The following TLN2 variants were observed in gnomAD, a reference collection of about 807,000 sequenced individuals.
TLN2 encodes the protein talin-2.
In TLN2, 118 loss-of-function variants were observed where a neutral mutation model predicts 294.7. The observed-to-expected ratio is 0.40, with a 90% confidence interval of 0.34 to 0.47. The LOEUF (loss-of-function observed/expected upper bound fraction) is 0.47, where lower values mean the gene tolerates loss of function less well. Among genes scored for constraint, TLN2 ranks in the 20% least tolerant of loss-of-function variants. The pLI is 0.84. For synonymous variants in TLN2, 1,431 were observed against 1,304.5 expected (o/e 1.10, Z -2.09); for missense variants, 3,083 against 3,282.2 (o/e 0.94, Z 1.48).
chr15:62,725,429 AC>A (rs972952079), intron 27 of TLN2, among the ~76,000 whole-genome samples: 1 of 152,208 alleles, frequency 6.6e-6, no homozygotes, highest in Non-Finnish European at 1.5e-5. Flanking sequence ...TTTTAAAAAA[AC>A]ATTTACTTAA....
At chr15:62,621,857 G>T (rs1224622946) in intron 3 of TLN2, among the ~76,000 whole-genome samples, 6 of 152,178 alleles carry the variant, frequency 3.9e-5, no homozygotes, top group African/African-American at 4.8e-5. Flanking sequence ...TTTCCTCACA[G>T]AATTGCTAGC....
rs548387195 is a variant in TLN2 at position 62,416,155 on chromosome 15, C to T, written c.-238+25470C>T. Among the ~76,000 whole-genome samples the T allele has an allele frequency of 3.3e-5, 5 of 152,188 alleles. No homozygotes were observed. In the South Asian group the frequency reaches 1.0e-3, roughly 32 times the overall value. The stretch of plus-strand genomic sequence containing the variant: ...CTCTACAAAAAATACAAAAATCAGC[C>T]AGGCATGGTGGCACATGCCTGTAGT... On this transcript the variant is annotated intron_variant, in intron 1 of 58. Coordinates refer to ENST00000636159, the MANE Select transcript of TLN2 (RefSeq NM_015059.3).
At chr15:62,745,098 C>T in intron 32 of TLN2, among the ~76,000 whole-genome samples, 1 of 152,174 alleles carries the variant, frequency 6.6e-6, no homozygotes, top group Non-Finnish European at 1.5e-5. Context: ...AAACTTCCAG[C>T]CAGAGCTCTC....
At chr15:62,701,705 G>T (rs2058731327) in intron 17 of TLN2, among the ~76,000 whole-genome samples, 1 of 152,192 alleles carries the variant, frequency 6.6e-6, no homozygotes, top group Non-Finnish European at 1.5e-5. Context: ...GACCCCCTGA[G>T]CTGCTGACAG....
At chr15:62,496,801 G>C (rs928818483) in intron 1 of TLN2, among the ~76,000 whole-genome samples, 1 of 152,146 alleles carries the variant, frequency 6.6e-6, no homozygotes, top group African/African-American at 2.4e-5. Context: ...CAACTTCTAA[G>C]TTGCTTTGCC....
chr15:62,477,278 A>G (rs188553883), intron 1 of TLN2, among the ~76,000 whole-genome samples: 2 of 152,358 alleles, frequency 1.3e-5, no homozygotes, highest in East Asian at 3.9e-4. Context: ...GATACAGGTG[A>G]TGCTGCTGCC....
chr15:62,720,575 C>T (rs2060072996), intron 25 of TLN2, among the ~76,000 whole-genome samples: 1 of 151,930 alleles, frequency 6.6e-6, no homozygotes, highest in Non-Finnish European at 1.5e-5. Flanking sequence ...TTATATAACT[C>T]TAACATGCAG....
chr15:62,476,698 T>A (rs2037800510), intron 1 of TLN2, among the ~76,000 whole-genome samples: 1 of 152,222 alleles, frequency 6.6e-6, no homozygotes, highest in Non-Finnish European at 1.5e-5. Flanking sequence ...AGGGGAGTTT[T>A]GACCACTTTC....
chr15:62,788,339 C>T (rs1198102635), intron 45 of TLN2, among the ~76,000 whole-genome samples: 1 of 152,142 alleles, frequency 6.6e-6, no homozygotes, highest in Non-Finnish European at 1.5e-5. Flanking sequence ...AATTTCCTTT[C>T]AAGGATGTTC....
chr15:62,831,754 T>C (rs1375484362), intron 54 of TLN2: 1 of 152,188 alleles, frequency 6.6e-6, no homozygotes, highest in African/African-American at 2.4e-5. Context: ...TAGAAGTGCA[T>C]TGAAATTGTA....
intron 1 of TLN2, among the ~76,000 whole-genome samples, chr15:62,414,880 T>G (rs2033988093): frequency 7.1e-6 from 1 of 141,088 alleles, no homozygotes; most frequent in Non-Finnish European, 1.5e-5. Context: ...ATTTTTCCTG[T>G]CAAGCATGCC....
At chr15:62,670,033 C>G (rs4530074) in intron 9 of TLN2, among the ~76,000 whole-genome samples, 17 of 152,162 alleles carry the variant, frequency 1.1e-4, no homozygotes, top group Admixed American at 1.1e-3. Flanking sequence ...GAAAGAAGGG[C>G]GCTTGCTGCA....
intron 1 of TLN2, among the ~76,000 whole-genome samples, chr15:62,552,626 C>T (rs906929635): frequency 2.1e-4 from 32 of 152,116 alleles, no homozygotes; most frequent in African/African-American, 7.7e-4. Flanking sequence ...TCTGGTGTTC[C>T]TAAGCTCAAG....
At chr15:62,453,683 A>G (rs1595840682) in intron 1 of TLN2, 1 of 152,172 alleles carries the variant, frequency 6.6e-6, no homozygotes, top group African/African-American at 2.4e-5. Flanking sequence ...GGTACTTTGA[A>G]TCAGCCCCCT....
chr15:62,420,223 T>A (rs184213430), intron 1 of TLN2, among the ~76,000 whole-genome samples: 25 of 152,342 alleles, frequency 1.6e-4, no homozygotes, highest in Admixed American at 1.3e-3. Context: ...GTATTTAAAA[T>A]TTTTAAATGC....
intron 1 of TLN2, among the ~76,000 whole-genome samples, chr15:62,433,567 C>T (rs1037089737): frequency 6.6e-6 from 1 of 152,122 alleles, no homozygotes; most frequent in South Asian, 2.1e-4. Context: ...CTGCTTGCTT[C>T]GGGTCTGCTC....
At chr15:62,761,946 C>A in intron 38 of TLN2, 125 bp downstream of exon 38, 1 of 1,280,228 alleles carries the variant, frequency 7.8e-7, no homozygotes, top group Non-Finnish European at 1.1e-6. Flanking sequence ...TTACTCTTGT[C>A]AATGATGGCA....
At chr15:62,603,877 G>A (rs1187790224) in intron 2 of TLN2, among the ~76,000 whole-genome samples, 1 of 152,202 alleles carries the variant, frequency 6.6e-6, no homozygotes, top group Non-Finnish European at 1.5e-5. Context: ...ATTTTGCAAT[G>A]TAGGCCAGAA....
intron 51 of TLN2, among the ~76,000 whole-genome samples, chr15:62,809,568 C>T (rs956427970): frequency 2.0e-5 from 3 of 152,154 alleles, no homozygotes; most frequent in Admixed American, 6.5e-5. Context: ...TAGGTCAGTA[C>T]GTCTCCAGCT....
Sources: gnomAD v4.1 joint callset for allele counts (sites outside exome capture counted in the v4.1 genomes callset) on GRCh38, gnomAD v4.1.1 for gene constraint, MANE v1.5 for transcripts, NCBI Gene and HGNC (gene_info 2026-07-23, HGNC 2026-07-21) for gene names.